The following MYO10 variants were observed in gnomAD, a reference collection of about 807,000 sequenced individuals.
The protein encoded by MYO10 is myosin X.
A neutral mutation model predicts 257.3 loss-of-function variants in MYO10; 133 were observed. That is an observed-to-expected ratio of 0.52 (90% confidence interval 0.45 to 0.60). The LOEUF (loss-of-function observed/expected upper bound fraction) is 0.60. Among genes scored for constraint, MYO10 ranks in the 20% least tolerant of loss-of-function variants. The pLI is 0.00. For synonymous variants in MYO10, 1,104 were observed against 1,028.6 expected, an observed-to-expected ratio of 1.07 and a Z score of -1.40; for missense variants, 2,399 against 2,635.7, an observed-to-expected ratio of 0.91 and a Z score of 1.97.
chr5:16,799,537 G>A lies in MYO10; in HGVS notation c.280-4704C>T, dbSNP rs181924454. Among the ~76,000 whole-genome samples, 395 of 151,728 alleles carry A rather than the reference G, an allele frequency of 2.6e-3. 1 individual carries two copies. The highest frequency in any genetic ancestry group is 4.8e-3 in the Admixed American group (73 of 15,216). On this transcript the variant is annotated intron_variant, in intron 3 of 40. Transcript: ENST00000513610. Reference sequence around the variant, plus strand: ...AGACTGAGTCTCGCTCTGTCATCCAGGCTGGAGAACAGTGGCACAATCTCG... The same window carrying A: ...AGACTGAGTCTCGCTCTGTCATCCAAGCTGGAGAACAGTGGCACAATCTCG...
intron 2 of MYO10, among the ~76,000 whole-genome samples, chr5:16,841,990 TGACACTTGACTTTGGGGTG>T (rs1743495288): frequency 1.8e-5 from 2 of 113,070 alleles, no homozygotes; most frequent in South Asian, 6.3e-4. Context: ...ATAGAAGGCA[TGACACTTGACTTTGGGGTG>T]GGGGGGCTTG....
At chr5:16,877,734 C>G in intron 1 of MYO10, 27 bp from the exon 2 acceptor site, 1 of 1,579,474 alleles carries the variant, frequency 6.3e-7, no homozygotes, top group Non-Finnish European at 8.7e-7. Flanking sequence ...CAAGACTGAA[C>G]TGAGTTTGGA....
intron 1 of MYO10, among the ~76,000 whole-genome samples, chr5:16,881,738 T>C (rs1205200996): frequency 1.3e-5 from 2 of 152,156 alleles, no homozygotes; most frequent in East Asian, 1.9e-4. Context: ...CTACTTCCAC[T>C]CTATTAGAAC....
intron 9 of MYO10, among the ~76,000 whole-genome samples, chr5:16,769,512 G>C (rs1326533579): frequency 6.6e-6 from 1 of 152,068 alleles, no homozygotes; most frequent in Non-Finnish European, 1.5e-5. Flanking sequence ...TTTTTTGTGT[G>C]TGTTTTTTGT....
At chr5:16,774,546 C>T (rs1741158061) in intron 9 of MYO10, among the ~76,000 whole-genome samples, 1 of 151,936 alleles carries the variant, frequency 6.6e-6, no homozygotes, top group African/African-American at 2.4e-5. Flanking sequence ...CTCAGGCTCC[C>T]GAGTAGCTGG....
chr5:16,905,327 A>T (rs957256056), intron 1 of MYO10, among the ~76,000 whole-genome samples: 1 of 152,186 alleles, frequency 6.6e-6, no homozygotes, highest in South Asian at 2.1e-4. Flanking sequence ...TTCGGAGGAC[A>T]ACAATCTCCC....
In MYO10 at chr5:16,874,325, C is replaced by T. The variant is rs1428534402; in HGVS notation, c.120+3284G>A. On this transcript the variant is annotated intron_variant, in intron 2 of 40. Coordinates refer to ENST00000513610, the MANE Select transcript of MYO10 (RefSeq NM_012334.3). ...CTCCAGCCTGGGCGACAGAGCAAGA[C>T]TCCATCTAAAAAAAAAAGCGGGGGG... 6.4e-5 allele frequency among the ~76,000 whole-genome samples: 7 copies of T among 109,560 alleles called. No homozygotes were observed. In the South Asian group the frequency reaches 1.9e-3, roughly 30 times the overall value. 71.9% of individuals were successfully genotyped at this position (109,560 alleles called of 152,430 possible).
At chr5:16,761,069 C>G (rs1288718194) in intron 17 of MYO10, among the ~76,000 whole-genome samples, 2 of 152,110 alleles carry the variant, frequency 1.3e-5, no homozygotes, top group Non-Finnish European at 2.9e-5. Flanking sequence ...TGGGTCACTG[C>G]AACCTCCACC....
intron 2 of MYO10, among the ~76,000 whole-genome samples, chr5:16,857,950 A>G (rs1392616548): frequency 6.6e-6 from 1 of 152,206 alleles, no homozygotes. Flanking sequence ...ACTAAATATC[A>G]TATCAGAAGT....
At position 16,753,713 on chromosome 5, in the gene MYO10, C is replaced by T. The variant is rs572449730; in HGVS notation, c.1929+1115G>A. Among the ~76,000 whole-genome samples, 10 of 151,826 alleles carry T rather than the reference C, an allele frequency of 6.6e-5. No homozygotes were observed. In the South Asian group the frequency reaches 1.3e-3, roughly 19 times the overall value. ...CTCAAATTCCTGACCTCATGTGACC[C>T]GCCCACCTCGACCTCCCAAAGTGCT... On this transcript the variant is annotated intron_variant, in intron 19 of 40. Transcript: ENST00000513610.
chr5:16,687,306 G>A (rs6860226), intron 28 of MYO10, among the ~76,000 whole-genome samples: 43,427 of 151,320 alleles, frequency 0.29, 6,408 homozygotes, highest in South Asian at 0.37. Flanking sequence ...GGGTGACAGA[G>A]CAAAACTCTG....
chr5:16,800,393 A>G (rs1742087061), intron 3 of MYO10, among the ~76,000 whole-genome samples: 1 of 152,170 alleles, frequency 6.6e-6, no homozygotes, highest in Non-Finnish European at 1.5e-5. Flanking sequence ...CCCCATCTCT[A>G]CTTAAAAATA....
At position 16,661,983 on chromosome 5, in the gene MYO10, CT is replaced by C. The variant is rs1316916989; in HGVS notation, c.*4708del. 2 of 152,190 alleles carry C rather than the reference CT, an allele frequency of 1.3e-5. No homozygotes were observed. The highest frequency in any genetic ancestry group is 6.5e-5 in the Admixed American group (1 of 15,270). 9.4% of individuals were successfully genotyped at this position (152,190 alleles called of 1,614,324 possible). On this transcript the variant is annotated 3_prime_UTR_variant, in exon 41 of 41. Transcript: ENST00000513610. ...TCTCTGTACTGTAGTTCACTGACCC[CT>C]GATCTAAAAGATTACATACTTTGAA...
intron 14 of MYO10, 45 bp from the exon 15 acceptor site, chr5:16,762,682 T>A (rs1740754083): frequency 2.2e-6 from 3 of 1,389,222 alleles, no homozygotes; most frequent in Non-Finnish European, 3.0e-6. Flanking sequence ...TGAATGTGGC[T>A]GGGTGCATGG....
chr5:16,813,775 A>T (rs752227615), intron 3 of MYO10, among the ~76,000 whole-genome samples: 1 of 152,142 alleles, frequency 6.6e-6, no homozygotes, highest in African/African-American at 2.4e-5. Context: ...TTAAAAGCAG[A>T]CAGCCTTTCT....
chr5:16,870,753 A>G (rs1195755676), intron 2 of MYO10, among the ~76,000 whole-genome samples: 3 of 152,058 alleles, frequency 2.0e-5, no homozygotes, highest in Non-Finnish European at 4.4e-5. Flanking sequence ...TTAGCCGGGC[A>G]TGGTGGCATG....
rs772784572 is a variant in MYO10 at position 16,703,022 on chromosome 5, G to C, written c.2413C>G (p.Arg805Gly). Residue 805 changes from arginine (R) to glycine (G), a missense_variant, in exon 23 of 41, where the codon CGG (arginine) becomes GGG (glycine). Coordinates refer to ENST00000513610, the MANE Select transcript of MYO10 (RefSeq NM_012334.3). The part of the protein sequence containing the change: ...FQKQLRGQIA[R>G]RVYRQLLAEK... ...GCCAGCAATTGTCTGTAAACTCTCC[G>C]AGCAATCTGACCTCTGAGTTGCTTC... 3 of 1,552,436 alleles carry C rather than the reference G, an allele frequency of 1.9e-6. No homozygotes were observed. Among genetic ancestry groups the C allele is most frequent in the East Asian group, 2.4e-5 (1 of 41,082 alleles).
chr5:16,851,589 C>T (rs1000370381), intron 2 of MYO10, among the ~76,000 whole-genome samples: 3 of 152,156 alleles, frequency 2.0e-5, no homozygotes, highest in African/African-American at 7.2e-5. Flanking sequence ...GTGCCCAGGT[C>T]ATAATGTGAG....
chr5:16,733,743 A>C (rs1739678255), intron 19 of MYO10, among the ~76,000 whole-genome samples: 2 of 152,212 alleles, frequency 1.3e-5, no homozygotes, highest in Admixed American at 1.3e-4. Context: ...AGCAGTTGGG[A>C]GTTGCTAGGA....
Sources: allele counts gnomAD v4.1 joint callset (sites outside exome capture counted in the v4.1 genomes callset), GRCh38; gene constraint gnomAD v4.1.1; transcripts MANE v1.5; gene names NCBI Gene and HGNC (gene_info 2026-07-23, HGNC 2026-07-21).